The following CYP2U1 variants were observed in gnomAD, a reference collection of about 807,000 sequenced individuals.
CYP2U1 encodes the protein cytochrome P450 2U1.
In CYP2U1, 28 loss-of-function variants were observed where a neutral mutation model predicts 42.8. The ratio of observed to expected loss-of-function variants is 0.65; its 90% confidence interval spans 0.48 to 0.90. The LOEUF is 0.90. Among genes scored for constraint, CYP2U1 ranks in the 40% least tolerant of loss-of-function variants. The pLI, the probability that CYP2U1 is intolerant of heterozygous loss-of-function variation, is 0.00. For missense variants in CYP2U1, 642 were observed against 693.8 expected (o/e 0.93, Z 0.84); for synonymous variants, 296 against 278.9 (o/e 1.06, Z -0.61).
Position 107,931,852 on chromosome 4 carries a change from G to C in CYP2U1, c.209G>C (p.Gly70Ala). 6.5e-7 allele frequency: 1 copy of C among 1,544,314 alleles called. No homozygotes were observed. Residue 70 changes from glycine (G) to alanine (A), a missense_variant, in exon 1 of 5, where the codon GGC becomes GCC. Gly to Ala is a moderately conservative substitution (Grantham distance 60). Coordinates refer to ENST00000332884, the MANE Select transcript of CYP2U1 (RefSeq NM_183075.3). ...PPGPTPWPLVGNFGHVLLPPF... is the reference protein window; with the variant it reads ...PPGPTPWPLVANFGHVLLPPF... Reference sequence around the variant, plus strand: ...GGGCCCACGCCCTGGCCTCTGGTGGGCAACTTCGGTCACGTGCTGCTGCCT... The same window carrying C: ...GGGCCCACGCCCTGGCCTCTGGTGGCCAACTTCGGTCACGTGCTGCTGCCT...
At chr4:107,944,066 C>A (rs1733590809) in intron 1 of CYP2U1, among the ~76,000 whole-genome samples, 1 of 152,088 alleles carries the variant, frequency 6.6e-6, no homozygotes, top group Admixed American at 6.5e-5. Flanking sequence ...TATCAGATTC[C>A]AAATTTTGAT....
intron 1 of CYP2U1, chr4:107,941,246 A>T (rs1470537974): frequency 2.7e-5 from 4 of 149,638 alleles, no homozygotes; most frequent in South Asian, 2.1e-4. Flanking sequence ...TATATATATA[A>T]ATATAAATCT....
Position 107,945,558 on chromosome 4 carries a change from CTT to C in CYP2U1, c.1081_1082del (p.Leu361AlafsTer19), listed in dbSNP as rs1733671120. 2.5e-6 allele frequency: 4 copies of C among 1,608,748 alleles called. No individual in the cohort carries two copies. In the South Asian group the frequency reaches 4.4e-5, roughly 18 times the overall value. ...GCTGGGACTGATACCACAACTAACTCTTTGCTCTGGTGCCTGCTGTATATGTC... is the reference window on the plus strand; with the variant it reads ...GCTGGGACTGATACCACAACTAACTCTGCTCTGGTGCCTGCTGTATATGTC... On this transcript the variant is annotated frameshift_variant, in exon 2 of 5. Coordinates refer to ENST00000332884, the MANE Select transcript of CYP2U1 (RefSeq NM_183075.3). LOFTEE classifies it high-confidence loss of function.
chr4:107,942,510 A>G lies in CYP2U1; in HGVS notation c.491-2460A>G, dbSNP rs572168103. On this transcript the variant is annotated intron_variant, in intron 1 of 4. Coordinates refer to ENST00000332884, the MANE Select transcript of CYP2U1 (RefSeq NM_183075.3). Reference sequence around the variant, plus strand: ...CCCTATTAGATATAAAAATTACTATAAAGACTATTTATATCTTATTATAAA... The same window carrying G: ...CCCTATTAGATATAAAAATTACTATGAAGACTATTTATATCTTATTATAAA... Among the ~76,000 whole-genome samples, 38 of 152,378 alleles carry G rather than the reference A, an allele frequency of 2.5e-4. 2 individuals are homozygous for G. Among genetic ancestry groups the G allele is most frequent in the African/African-American group, 8.4e-4 (35 of 41,596 alleles).
chr4:107,943,554 G>A (rs1170745717), intron 1 of CYP2U1, among the ~76,000 whole-genome samples: 1 of 152,188 alleles, frequency 6.6e-6, no homozygotes, highest in African/African-American at 2.4e-5. Context: ...ACTAATAGAA[G>A]TCATAGCACC....
intron 1 of CYP2U1, among the ~76,000 whole-genome samples, chr4:107,943,617 G>T (rs1305679239): frequency 6.6e-6 from 1 of 152,204 alleles, no homozygotes; most frequent in Non-Finnish European, 1.5e-5. Context: ...ACATTTGGAA[G>T]ATTCCAATGA....
At chr4:107,935,137 A>G (rs62311381) in intron 1 of CYP2U1, among the ~76,000 whole-genome samples, 25,912 of 152,004 alleles carry the variant, frequency 0.17, 2,422 homozygotes, top group Non-Finnish European at 0.21. Context: ...GGATTTCTTA[A>G]GGTAGGAATT....
rs1732965489 is a variant in CYP2U1, at chr4:107,931,578, T to G, written c.-66T>G. 8.2e-7 allele frequency: 1 copy of G among 1,218,396 alleles called. No homozygotes were observed. Among genetic ancestry groups the G allele is most frequent in the Non-Finnish European group, 1.0e-6 (1 of 979,024 alleles). The allele number at this position is 1,218,396 out of a possible 1,614,324, so 75.5% of individuals were successfully genotyped here. A position where few individuals can be genotyped will look rare whatever the true frequency, so the allele number is the denominator to read the frequency against. ...CAGAGCAGGACACTGGCGCCGCGGG[T>G]CAGGCAGCTGCGTGCGCGTCTCCTC... On this transcript the variant is annotated 5_prime_UTR_variant, in exon 1 of 5. Coordinates refer to ENST00000332884, the MANE Select transcript of CYP2U1 (RefSeq NM_183075.3).
Position 107,945,344 on chromosome 4 carries a change from C to G in CYP2U1, c.865C>G (p.Gln289Glu). 6 of 1,613,942 alleles carry G rather than the reference C, an allele frequency of 3.7e-6. No individual in the cohort carries two copies. The highest frequency in any genetic ancestry group is 5.1e-6 in the Non-Finnish European group (6 of 1,179,998). The change falls in exon 2 of 5, where the codon CAA becomes GAA. Residue 289 changes from glutamine (Q) to glutamate (E), a missense_variant. Transcript: ENST00000332884. ...CTTTGGACCATTTAAGGAATTAAGACAAATTGAAAAGGATATAACCAGTTT... is the reference window on the plus strand; with the variant it reads ...CTTTGGACCATTTAAGGAATTAAGAGAAATTGAAAAGGATATAACCAGTTT... Reference protein sequence around the residue: ...LPFGPFKELRQIEKDITSFLK... With the variant: ...LPFGPFKELREIEKDITSFLK...
Position 107,952,458 on chromosome 4 carries a change from G to A in CYP2U1, c.*2035G>A, listed in dbSNP as rs1372951545. On this transcript the variant is annotated 3_prime_UTR_variant, in exon 5 of 5. Coordinates refer to ENST00000332884, the MANE Select transcript of CYP2U1 (RefSeq NM_183075.3). The stretch of plus-strand genomic sequence containing the variant: ...CTACGCTGTTCATACTGATAGAGAA[G>A]AGGGCAAGAAAAGATCCAGAGTGGC... 2.0e-5 allele frequency: 3 copies of A among 152,272 alleles called. No homozygotes were observed. The highest frequency in any genetic ancestry group is 1.3e-4 in the Admixed American group (2 of 15,290). 9.4% of individuals were successfully genotyped at this position (152,272 alleles called of 1,614,324 possible).
chr4:107,940,422 G>A (rs777859340), intron 1 of CYP2U1: 33 of 151,986 alleles, frequency 2.2e-4, no homozygotes, highest in South Asian at 6.2e-4. Context: ...GCCATAGAAC[G>A]TATGTAAACA....
chr4:107,950,547 G>A lies in CYP2U1; in HGVS notation c.*124G>A, dbSNP rs557596915. ...TGGATCCAAGCTGGGCTCAGAGGTC[G>A]GAAGGAGGGTAGAGCACACTGGGAG... On this transcript the variant is annotated 3_prime_UTR_variant, in exon 5 of 5. Coordinates refer to ENST00000332884, the MANE Select transcript of CYP2U1 (RefSeq NM_183075.3). 19 of 1,057,588 alleles carry A rather than the reference G, an allele frequency of 1.8e-5. No individual in the cohort carries two copies. In the South Asian group the frequency reaches 1.9e-4, roughly 10 times the overall value. The allele number at this position is 1,057,588 out of a possible 1,614,324, so 65.5% of individuals were successfully genotyped here.
chr4:107,952,329 C>T lies in CYP2U1; in HGVS notation c.*1906C>T, dbSNP rs112130393. 14 of 152,260 alleles carry T rather than the reference C, an allele frequency of 9.2e-5. No individual in the cohort carries two copies. Among genetic ancestry groups the T allele is most frequent in the South Asian group, 4.1e-4 (2 of 4,830 alleles). 9.4% of individuals were successfully genotyped at this position (152,260 alleles called of 1,614,324 possible). ...ACAACCATTTTAAACAAACTTAGAA[C>T]GATGCCTTAGCTGTTTATAGGTAAC... On this transcript the variant is annotated 3_prime_UTR_variant, in exon 5 of 5. Transcript: ENST00000332884.
At chr4:107,933,630 C>T (rs1395211732) in intron 1 of CYP2U1, among the ~76,000 whole-genome samples, 1 of 152,226 alleles carries the variant, frequency 6.6e-6, no homozygotes, top group African/African-American at 2.4e-5. Flanking sequence ...CCCTCCTTAT[C>T]TGTAGGGGAT....
At chr4:107,946,358 C>T (rs562065996) in intron 2 of CYP2U1, among the ~76,000 whole-genome samples, 1 of 152,254 alleles carries the variant, frequency 6.6e-6, no homozygotes, top group South Asian at 2.1e-4. Flanking sequence ...CTGAACTCAA[C>T]AGGGAAAGGT....
rs1733726095 is a variant in CYP2U1 at position 107,947,249 on chromosome 4, G to A, written c.1127-127G>A. The A allele has an allele frequency of 1.6e-5, 12 of 767,968 alleles. No individual in the cohort carries two copies. In the South Asian group the frequency reaches 2.1e-4, roughly 13 times the overall value. 47.6% of individuals were successfully genotyped at this position (767,968 alleles called of 1,614,324 possible). A position where few individuals can be genotyped will look rare whatever the true frequency, so the allele number is the denominator to read the frequency against. On this transcript the variant is annotated intron_variant, in intron 2 of 4. Coordinates refer to ENST00000332884, the MANE Select transcript of CYP2U1 (RefSeq NM_183075.3). ...CTGACCAATGCTTCAACTTCACTGA[G>A]GCAGAATCAGGCCTGAACTGCCAAC...
At chr4:107,934,773 T>C (rs1733199157) in intron 1 of CYP2U1, among the ~76,000 whole-genome samples, 1 of 152,244 alleles carries the variant, frequency 6.6e-6, no homozygotes, top group African/African-American at 2.4e-5. Context: ...TTGTCTTCTT[T>C]GGGCCTGGAA....
intron 1 of CYP2U1, among the ~76,000 whole-genome samples, chr4:107,939,932 T>G (rs1300932155): frequency 6.6e-6 from 1 of 152,042 alleles, no homozygotes; most frequent in Non-Finnish European, 1.5e-5. Context: ...TGGGTGAAAG[T>G]TTGACAGAGA....
At chr4:107,934,171 TTC>T (rs1733162941) in intron 1 of CYP2U1, among the ~76,000 whole-genome samples, 1 of 79,660 alleles carries the variant, frequency 1.3e-5, no homozygotes, top group Non-Finnish European at 2.4e-5. Context: ...TCACCAACAC[TTC>T]TTTTTTTTTT....
Sources: gnomAD v4.1 joint callset for allele counts (sites outside exome capture counted in the v4.1 genomes callset) on GRCh38, gnomAD v4.1.1 for gene constraint, MANE v1.5 for transcripts, NCBI Gene and HGNC (gene_info 2026-07-23, HGNC 2026-07-21) for gene names.